Variants in NUP62CL observed in about 807,000 individuals in gnomAD.
The protein encoded by NUP62CL is nucleoporin 62 C-terminal like, also known as nucleoporin-62 C-terminal-like protein.
Under a neutral mutation model 15.3 loss-of-function variants are expected in NUP62CL, and 13 were observed. The ratio of observed to expected loss-of-function variants is 0.85; its 90% CI spans 0.55 to 1.35. NUP62CL has a LOEUF of 1.35. Among genes scored for constraint, NUP62CL ranks in the 40% most tolerant of loss-of-function variants. The pLI is 0.00. For synonymous variants in NUP62CL, 54 were observed against 49.2 expected (o/e 1.10, Z -0.41); for missense variants, 123 against 130.6 (o/e 0.94, Z 0.28).
At position 107,175,070 on chromosome X, in the gene NUP62CL, T is replaced by C; in HGVS notation, c.58+19A>G. On this transcript the variant is annotated intron_variant, in intron 3 of 8. Transcript: ENST00000372466. ...CATCATGGGAAATAACAGTATTTTC[T>C]TTAGAATTAGTAACTTACATGAGAG... 8.6e-7 allele frequency: 1 copy of C among 1,162,423 alleles called. No homozygotes were observed. The highest frequency in any genetic ancestry group is 1.2e-6 in the Non-Finnish European group (1 of 852,782).
chrX:107,135,738 TCCCTTAGGCATGGTTTCACTTTACGTGA>T (rs1925624761), intron 8 of NUP62CL, among the ~76,000 whole-genome samples: 1 of 110,401 alleles, frequency 9.1e-6, no homozygotes, highest in African/African-American at 3.3e-5. Flanking sequence ...GCAGTAGTCC[TCCCTTAGGCATGGTTTCACTTTACGTGA>T]TTTCAGTTAC....
intron 2 of NUP62CL, among the ~76,000 whole-genome samples, chrX:107,185,962 GAA>G (rs1346511670): frequency 1.8e-5 from 2 of 111,521 alleles, no homozygotes; most frequent in Non-Finnish European, 3.8e-5. Context: ...TCAGAACAAA[GAA>G]AATTACCATA....
At chrX:107,153,570 T>G (rs895765548) in intron 5 of NUP62CL, 67 bp from the exon 6 acceptor site, 8 of 696,013 alleles carry the variant, frequency 1.1e-5, no homozygotes, top group Middle Eastern at 9.7e-4. Context: ...TAGAGCAATA[T>G]TAATTTTCTC....
intron 2 of NUP62CL, among the ~76,000 whole-genome samples, chrX:107,187,561 C>T (rs1319301181): frequency 8.9e-6 from 1 of 111,739 alleles, no homozygotes; most frequent in African/African-American, 3.3e-5. Context: ...CCATGCCCGG[C>T]TGACTGTTGT....
At position 107,178,479 on chromosome X, in the gene NUP62CL, C is replaced by G. The variant is rs1926837184; in HGVS notation, c.-47-3286G>C. 5.3e-5 allele frequency among the ~76,000 whole-genome samples: 6 copies of G among 112,540 alleles called. No individual in the cohort carries two copies. In the South Asian group the frequency reaches 1.8e-3, roughly 35 times the overall value. ...ATATCTTTTCATCCTCACTGCAGAT[C>G]AATGCACATGGCACATAATAGTAAT... On this transcript the variant is annotated intron_variant, in intron 2 of 8. Coordinates refer to ENST00000372466, the MANE Select transcript of NUP62CL (RefSeq NM_017681.3).
intron 8 of NUP62CL, among the ~76,000 whole-genome samples, chrX:107,140,106 C>T (rs771208442): frequency 1.1e-4 from 12 of 110,992 alleles, no homozygotes; most frequent in Non-Finnish European, 1.5e-4. Flanking sequence ...TAGCACTGCC[C>T]TTCACACAAA....
intron 4 of NUP62CL, among the ~76,000 whole-genome samples, chrX:107,162,930 T>C (rs1201322987): frequency 9.0e-6 from 1 of 111,325 alleles, no homozygotes; most frequent in Non-Finnish European, 1.9e-5. Flanking sequence ...GAGAATCTAA[T>C]GTCTGATCTG....
intron 2 of NUP62CL, among the ~76,000 whole-genome samples, chrX:107,192,557 T>C (rs746732825): frequency 9.0e-6 from 1 of 111,000 alleles, no homozygotes; most frequent in Admixed American, 9.6e-5. Context: ...TTTTTTGTAT[T>C]TTTTGTAGAG....
chrX:107,157,423 G>T (rs1474092449), intron 4 of NUP62CL, among the ~76,000 whole-genome samples: 2 of 107,614 alleles, frequency 1.9e-5, no homozygotes, highest in Non-Finnish European at 3.9e-5. Context: ...GACTAACAGC[G>T]GATCTCTCAG....
At chrX:107,181,167 C>T (rs750537213) in intron 2 of NUP62CL, among the ~76,000 whole-genome samples, 5 of 109,506 alleles carry the variant, frequency 4.6e-5, no homozygotes, top group Admixed American at 9.8e-5. Context: ...CCACCCACCT[C>T]GCCCTCCCAA....
intron 4 of NUP62CL, among the ~76,000 whole-genome samples, chrX:107,161,974 C>G (rs1569359853): frequency 1.9e-5 from 2 of 107,310 alleles, no homozygotes; most frequent in Non-Finnish European, 3.9e-5. Flanking sequence ...AAGGCTCAAA[C>G]AAGCCATTTC....
intron 2 of NUP62CL, among the ~76,000 whole-genome samples, chrX:107,191,286 G>T (rs1173515643): frequency 9.4e-6 from 1 of 106,673 alleles, no homozygotes; most frequent in Non-Finnish European, 1.9e-5. Context: ...AGGAATACAT[G>T]TACAGAGCTC....
chrX:107,125,860 T>C (rs1321995622), intron 8 of NUP62CL, among the ~76,000 whole-genome samples: 1 of 112,243 alleles, frequency 8.9e-6, no homozygotes, highest in Non-Finnish European at 1.9e-5. Context: ...GTCAGCATTC[T>C]TAAGAAAGCC....
intron 8 of NUP62CL, among the ~76,000 whole-genome samples, chrX:107,146,330 C>T (rs1160781734): frequency 8.9e-6 from 1 of 111,773 alleles, no homozygotes. Flanking sequence ...TGCAAAATGG[C>T]TCTTTTCCTC....
At chrX:107,178,739 T>G (rs1926842971) in intron 2 of NUP62CL, among the ~76,000 whole-genome samples, 1 of 111,537 alleles carries the variant, frequency 9.0e-6, no homozygotes, top group Admixed American at 9.5e-5. Context: ...GGGAAGGAAT[T>G]GGAAACTTTA....
chrX:107,189,918 A>AAAGG (rs1569365685), intron 2 of NUP62CL, among the ~76,000 whole-genome samples: 4 of 106,583 alleles, frequency 3.8e-5, no homozygotes, highest in African/African-American at 1.0e-4. Context: ...AGAAAGAAAG[A>AAAGG]AAGAAAGAAA....
At chrX:107,198,603 C>T (rs1054112056) in intron 1 of NUP62CL, among the ~76,000 whole-genome samples, 4 of 111,188 alleles carry the variant, frequency 3.6e-5, no homozygotes, top group Non-Finnish European at 7.5e-5. Context: ...CCTTTATGAG[C>T]TGTAACACTC....
intron 8 of NUP62CL, among the ~76,000 whole-genome samples, chrX:107,143,522 C>T (rs368519056): frequency 2.5e-4 from 28 of 111,161 alleles, no homozygotes; most frequent in African/African-American, 8.8e-4. Flanking sequence ...GCCTCCAAAT[C>T]ACTTTTAAAG....
intron 4 of NUP62CL, among the ~76,000 whole-genome samples, chrX:107,157,428 T>A (rs1296371855): frequency 9.3e-6 from 1 of 107,745 alleles, no homozygotes; most frequent in African/African-American, 3.4e-5. Context: ...ACAGCGGATC[T>A]CTCAGCAGAA....
Sources: allele counts gnomAD v4.1 joint callset (sites outside exome capture counted in the v4.1 genomes callset), GRCh38; gene constraint gnomAD v4.1.1; transcripts MANE v1.5; gene names NCBI Gene and HGNC (gene_info 2026-07-23, HGNC 2026-07-21).